CCDC92: variants seen among roughly 807,000 people sequenced by gnomAD.
CCDC92 encodes the protein coiled-coil domain-containing protein 92.
Under a neutral mutation model 24.9 loss-of-function variants are expected in CCDC92, and 12 were observed. The observed-to-expected ratio is 0.48, with a 90% CI of 0.31 to 0.78. The LOEUF (loss-of-function observed/expected upper bound fraction) is 0.78. CCDC92 is among the 30% of genes least tolerant of loss of function. The probability of loss-of-function intolerance (pLI) is 0.05; values close to 1 mark genes in which losing one functional copy is unlikely to be tolerated. For missense variants in CCDC92, 399 were observed against 439.4 expected, an observed-to-expected ratio of 0.91 and a Z score of 0.82; for synonymous variants, 193 against 196.3, an observed-to-expected ratio of 0.98 and a Z score of 0.14.
intron 1 of CCDC92, among the ~76,000 whole-genome samples, chr12:123,967,584 G>A (rs997935369): frequency 2.0e-5 from 3 of 152,132 alleles, no homozygotes; most frequent in Non-Finnish European, 2.9e-5. Flanking sequence ...AACCTCTTAC[G>A]TTCACTTATC....
intron 1 of CCDC92, among the ~76,000 whole-genome samples, chr12:123,956,919 TATTC>T (rs1566169483): frequency 6.6e-6 from 1 of 152,242 alleles, no homozygotes; most frequent in Non-Finnish European, 1.5e-5. Flanking sequence ...CTACATCTGA[TATTC>T]ATTAGGATTT....
intron 4 of CCDC92, 114 bp downstream of exon 4, chr12:123,942,630 A>G (rs1411677187): frequency 1.9e-5 from 16 of 851,124 alleles, no homozygotes; most frequent in South Asian, 1.1e-4. Flanking sequence ...GGCCACACGC[A>G]TAACTCTTCC....
chr12:123,969,571 C>T (rs992469591), intron 1 of CCDC92, among the ~76,000 whole-genome samples: 1 of 145,396 alleles, frequency 6.9e-6, no homozygotes, highest in Non-Finnish European at 1.5e-5. Flanking sequence ...TGGGTTCAAG[C>T]GATTCTCCTG....
chr12:123,942,097 C>G (rs1281389048), intron 4 of CCDC92, among the ~76,000 whole-genome samples: 2 of 152,256 alleles, frequency 1.3e-5, no homozygotes, highest in Admixed American at 6.5e-5. Context: ...AACACCCACC[C>G]TGTTTTAGGG....
chr12:123,969,729 C>T (rs2138236029), intron 1 of CCDC92, among the ~76,000 whole-genome samples: 1 of 152,120 alleles, frequency 6.6e-6, no homozygotes, highest in East Asian at 1.9e-4. Flanking sequence ...CAGGAGTGAG[C>T]CACTGCCCCC....
At position 123,937,586 on chromosome 12, in the gene CCDC92, G is replaced by T; in HGVS notation, c.468C>A (p.Ala156=). The change falls in exon 5 of 5, where the codon GCC becomes GCA. Residue 156 remains alanine, a synonymous_variant. Transcript: ENST00000238156. This position sits in a 1 kb window ranked among gnomAD's most constrained non-coding sequence, Gnocchi z 8.4. ...CGGCGTGCAGCTGGGAGGTCAGGTAGGCGATGGTGCTGGCCCGCTGCTCCA... is the reference window on the plus strand; with the variant it reads ...CGGCGTGCAGCTGGGAGGTCAGGTATGCGATGGTGCTGGCCCGCTGCTCCA... The part of the protein sequence containing the change: ...SELEQRASTI[A]YLTSQLHAAK... 6.2e-7 allele frequency: 1 copy of T among 1,613,418 alleles called. No individual in the cohort carries two copies. The highest frequency in any genetic ancestry group is 8.5e-7 in the Non-Finnish European group (1 of 1,180,032).
chr12:123,967,209 C>T (rs1402900925), intron 1 of CCDC92, among the ~76,000 whole-genome samples: 2 of 151,628 alleles, frequency 1.3e-5, no homozygotes, highest in South Asian at 2.1e-4. Flanking sequence ...ACCTTAATGC[C>T]AGAAAGCTGC....
In CCDC92 at chr12:123,938,911, G is replaced by A. The variant is rs1031450015; in HGVS notation, c.224-1081C>T. ...CTGCCCCCTCCCTGCTCCTCCAGCC[G>A]GCCTTGGTCCCACCTCCTCTCTGGT... On this transcript the variant is annotated intron_variant, in intron 4 of 4. Transcript: ENST00000238156. 2.0e-5 allele frequency among the ~76,000 whole-genome samples: 3 copies of A among 152,022 alleles called. No homozygotes were observed. The South Asian group carries it at 6.2e-4, about 32-fold the overall frequency.
At chr12:123,940,873 G>A (rs1043862577) in intron 4 of CCDC92, among the ~76,000 whole-genome samples, 1 of 152,204 alleles carries the variant, frequency 6.6e-6, no homozygotes, top group African/African-American at 2.4e-5. Flanking sequence ...GCAGTTTTGG[G>A]TGCACTAATG....
Position 123,936,743 on chromosome 12 carries a change from GC to G in CCDC92, c.*314del. On this transcript the variant is annotated 3_prime_UTR_variant, in exon 5 of 5. Transcript: ENST00000238156. ...AATGAATTAGGTGTGTGACTGTGTGGCATCGTGAACATCAGTAGTGACGCAG... is the reference window on the plus strand; with the variant it reads ...AATGAATTAGGTGTGTGACTGTGTGGATCGTGAACATCAGTAGTGACGCAG... 1 of 489,046 alleles carries G rather than the reference GC, an allele frequency of 2.0e-6. No homozygotes were observed. The highest frequency in any genetic ancestry group is 3.7e-6 in the Non-Finnish European group (1 of 273,474). The allele number at this position is 489,046 out of a possible 1,614,324, so 30.3% of individuals were successfully genotyped here.
chr12:123,943,661 T>C, intron 2 of CCDC92, 168 bp from the exon 3 acceptor site: 1 of 719,594 alleles, frequency 1.4e-6, no homozygotes, highest in South Asian at 1.8e-5. Context: ...TTCCCATCAC[T>C]GCAGGGAGGC....
chr12:123,964,100 TTG>T (rs1956336052), intron 1 of CCDC92, among the ~76,000 whole-genome samples: 1 of 152,164 alleles, frequency 6.6e-6, no homozygotes, highest in Admixed American at 6.5e-5. Flanking sequence ...ACTACAGAAA[TTG>T]AAGTAATTAG....
rs1225223106 is a variant in CCDC92 at position 123,937,626 on chromosome 12, A to T, written c.428T>A (p.Leu143Gln). 1 of 1,613,798 alleles carries T rather than the reference A, an allele frequency of 6.2e-7. No individual in the cohort carries two copies. The highest frequency in any genetic ancestry group is 1.3e-5 in the African/African-American group (1 of 74,914). Residue 143 changes from leucine (L) to glutamine (Q), a missense_variant, in exon 5 of 5, where the codon CTG becomes CAG. Physicochemically the swap from Leu to Gln is moderately radical, Grantham distance 113. Coordinates refer to ENST00000238156, the MANE Select transcript of CCDC92 (RefSeq NM_025140.3). This position sits in a 1 kb window ranked among gnomAD's most constrained non-coding sequence, Gnocchi z 8.4. ...CCGCTGCTCCAGCTCGCTAGACAGC[A>T]GGGTCAGCTTGTGACTCTTGGCCTT... ...ELKAKSHKLTLLSSELEQRAS... is the reference protein window; with the variant it reads ...ELKAKSHKLTQLSSELEQRAS...
intron 2 of CCDC92, 65 bp from the exon 3 acceptor site, chr12:123,943,558 G>T: frequency 6.3e-7 from 1 of 1,580,102 alleles, no homozygotes; most frequent in South Asian, 1.1e-5. Context: ...TGCCCTCCTT[G>T]GCTCTGGGTG....
chr12:123,953,429 G>GT (rs1956075305), intron 1 of CCDC92, among the ~76,000 whole-genome samples: 1 of 152,118 alleles, frequency 6.6e-6, no homozygotes, highest in South Asian at 2.1e-4. Flanking sequence ...GTTAAAAATT[G>GT]TATGTATATT....
intron 1 of CCDC92, among the ~76,000 whole-genome samples, chr12:123,958,918 T>C (rs535706812): frequency 5.0e-4 from 76 of 152,354 alleles, no homozygotes; most frequent in African/African-American, 1.8e-3. Context: ...TAGCTGACTT[T>C]AAAAGCATTC....
intron 1 of CCDC92, chr12:123,945,398 G>A (rs947161483): frequency 6.6e-6 from 1 of 152,176 alleles, no homozygotes; most frequent in African/African-American, 2.4e-5. Context: ...CACAGTTCCC[G>A]AGATCCCAAC....
rs1166942156 is a variant in CCDC92 at position 123,956,773 on chromosome 12, AT to A, written c.-59-12410del. On this transcript the variant is annotated intron_variant, in intron 1 of 4. Transcript: ENST00000238156. ...TTTGATCATCGTAGATAAATGAGCC[AT>A]TAGTGCATTAACCCAGTCAAAATAA... 3.3e-5 allele frequency among the ~76,000 whole-genome samples: 5 copies of A among 152,368 alleles called. No individual in the cohort carries two copies. The South Asian group carries it at 6.2e-4, about 19-fold the overall frequency.
intron 1 of CCDC92, chr12:123,966,599 G>T (rs2138202714): frequency 6.6e-6 from 1 of 152,294 alleles, no homozygotes; most frequent in East Asian, 1.9e-4. Context: ...ACCTGCCGAG[G>T]ATTCCCAGTT....
Sources: gnomAD v4.1 joint callset for allele counts (sites outside exome capture counted in the v4.1 genomes callset) on GRCh38, gnomAD v4.1.1 for gene constraint, Gnocchi (gnomAD v3.1) non-coding constraint, MANE v1.5 for transcripts, NCBI Gene and HGNC (gene_info 2026-07-23, HGNC 2026-07-21) for gene names.